COL2A1: variants seen among roughly 807,000 people sequenced by gnomAD.
COL2A1 encodes collagen alpha-1(II) chain.
A neutral mutation model predicts 204.5 loss-of-function variants in COL2A1; 28 were observed. That is an observed-to-expected ratio of 0.14 (90% confidence interval 0.10 to 0.19). COL2A1 has a LOEUF of 0.19. Among genes scored for constraint, COL2A1 ranks in the 10% least tolerant of loss-of-function variants. The pLI, the probability that COL2A1 is intolerant of heterozygous loss-of-function variation, is 1.00. For missense variants in COL2A1, 1,388 were observed against 2,027.5 expected (o/e 0.68, Z 6.06); for synonymous variants, 708 against 718.7 (o/e 0.99, Z 0.24).
chr12:47,992,956 A>G, intron 15 of COL2A1, 25 bp from the exon 16 acceptor site: 1 of 1,613,662 alleles, frequency 6.2e-7, no homozygotes, highest in Non-Finnish European at 8.5e-7. Context: ...AGGACAGCCT[A>G]AGCATGAGTT....
chr12:47,979,468 T>C lies in COL2A1; in HGVS notation c.2733+43A>G, dbSNP rs577712368. 60 of 1,603,648 alleles carry C rather than the reference T, an allele frequency of 3.7e-5. 1 individual carries two copies. The South Asian group carries it at 5.0e-4, about 13-fold the overall frequency. ...CCCTGTTGGGTGCTGGGCCAGGCTA[T>C]TCCATGCCTGCCTGTGCCTCTCATG... On this transcript the variant is annotated intron_variant, in intron 41 of 53. Coordinates refer to ENST00000380518, the MANE Select transcript of COL2A1 (RefSeq NM_001844.5).
intron 16 of COL2A1, among the ~76,000 whole-genome samples, chr12:47,992,675 A>G (rs560289515): frequency 6.6e-6 from 1 of 152,252 alleles, no homozygotes; most frequent in Admixed American, 6.5e-5. Context: ...GCTTTCACCC[A>G]TCGACCCTCC....
In COL2A1 at chr12:47,974,675, A is replaced by T; in HGVS notation, c.4074T>A (p.His1358Gln). Residue 1358 changes from histidine (H) to glutamine (Q), a missense_variant and splice_region_variant, in exon 52 of 54, where the codon CAT becomes CAA. Transcript: ENST00000380518. The stretch of plus-strand genomic sequence containing the variant: ...TCATCTAGGGCACCCAGGTACTCAC[A>T]TGGAAGCCACCATTGATGGTTTCTC... ...WFGETINGGFHFSYGDDNLAP... is the reference protein window; with the variant it reads ...WFGETINGGFQFSYGDDNLAP... The T allele has an allele frequency of 6.2e-7, 1 of 1,614,142 alleles. No homozygotes were observed. The highest frequency in any genetic ancestry group is 8.5e-7 in the Non-Finnish European group (1 of 1,179,982).
intron 52 of COL2A1, 50 bp downstream of exon 52, chr12:47,974,625 G>C (rs777023772): frequency 1.1e-4 from 153 of 1,377,852 alleles, no homozygotes; most frequent in Non-Finnish European, 6.2e-5. Flanking sequence ...AGAAAAGAAA[G>C]AGTTTGAGGA....
At position 47,989,178 on chromosome 12, in the gene COL2A1, G is replaced by C. The variant is rs749215565; in HGVS notation, c.1122+50C>G. On this transcript the variant is annotated intron_variant, in intron 18 of 53. Transcript: ENST00000380518. ...CAATGAGCAAGGGTTACGGGGAAAG[G>C]ACAGCTTCTCGGCACCCAGAAGTTC... The C allele has an allele frequency of 7.3e-6, 11 of 1,509,226 alleles. No individual in the cohort carries two copies. In the East Asian group the frequency reaches 1.6e-4, roughly 22 times the overall value. 93.5% of individuals were successfully genotyped at this position (1,509,226 alleles called of 1,614,324 possible). A position where few individuals can be genotyped will look rare whatever the true frequency, so the allele number is the denominator to read the frequency against.
At chr12:47,984,663 G>A in intron 27 of COL2A1, 64 bp from the exon 28 acceptor site, 1 of 1,497,120 alleles carries the variant, frequency 6.7e-7, no homozygotes, top group Non-Finnish European at 9.3e-7. Flanking sequence ...GGGCAGAGCG[G>A]GCTGCAGGGA....
At chr12:47,974,594 G>T in intron 52 of COL2A1, 81 bp downstream of exon 52, 3 of 1,504,012 alleles carry the variant, frequency 2.0e-6, no homozygotes, top group Non-Finnish European at 2.8e-6. Flanking sequence ...TGGGGAAGGT[G>T]CTAAAAGCTT....
At chr12:48,002,944 G>C (rs1940303617) in intron 1 of COL2A1, 1 of 152,260 alleles carries the variant, frequency 6.6e-6, no homozygotes, top group Non-Finnish European at 1.5e-5. Flanking sequence ...GCTATCCCTG[G>C]AAACAGCCTG....
Position 47,998,191 on chromosome 12 carries a change from C to T in COL2A1, c.320G>A (p.Gly107Glu). 6.2e-7 allele frequency: 1 copy of T among 1,614,142 alleles called. No homozygotes were observed. Among genetic ancestry groups the T allele is most frequent in the Non-Finnish European group, 8.5e-7 (1 of 1,180,034 alleles). The change falls in exon 4 of 54, where the codon GGA becomes GAA. Residue 107 changes from glycine to glutamate, a missense_variant. Gly to Glu is a moderately conservative substitution (Grantham distance 98). Coordinates refer to ENST00000380518, the MANE Select transcript of COL2A1 (RefSeq NM_001844.5). ...TACATCCTTGATGTCTCCAGGTTCT[C>T]CTTTCTGTCCCTGAAACATGAAACA... ...SGQPGPKGQKGEPGDIKDIVG... is the reference protein window; with the variant it reads ...SGQPGPKGQKEEPGDIKDIVG...
chr12:47,973,999 T>C, intron 53 of COL2A1, 90 bp downstream of exon 53: 1 of 1,585,800 alleles, frequency 6.3e-7, no homozygotes. Flanking sequence ...CCTGTCACTT[T>C]AGGACCTGAC....
chr12:47,985,449 C>T (rs968709323), intron 26 of COL2A1, 85 bp downstream of exon 26: 25 of 1,445,448 alleles, frequency 1.7e-5, no homozygotes, highest in Non-Finnish European at 2.1e-5. Context: ...TCAGGCCTCC[C>T]TAACCCAAAC....
In COL2A1 at chr12:47,999,420, C is replaced by T. The variant is rs1347086084; in HGVS notation, c.292+499G>A. Among the ~76,000 whole-genome samples, 2 of 152,186 alleles carry T rather than the reference C, an allele frequency of 1.3e-5. 1 individual carries two copies. Among genetic ancestry groups the T allele is most frequent in the Admixed American group, 1.3e-4 (2 of 15,274 alleles). On this transcript the variant is annotated intron_variant, in intron 2 of 53. Transcript: ENST00000380518. ...GTAATAGCAGAGAGGAAACTACCAC[C>T]AATGTTCCATAACTCAAAGAGGGAG...
chr12:47,985,539 G>C lies in COL2A1; in HGVS notation c.1729C>G (p.Pro577Ala). Residue 577 changes from proline to alanine, a missense_variant, in exon 26 of 54, where the codon CCT (proline) becomes GCT (alanine). Pro to Ala is a conservative substitution (Grantham distance 27). Coordinates refer to ENST00000380518, the MANE Select transcript of COL2A1 (RefSeq NM_001844.5). ...GDAGPQGKVG[P>A]SGAPGEDGRP... ...CCCTCAGAGGATAGACTTACAGAAG[G>C]GCCAACTTTGCCTTGAGGACCAGCA... 1 of 1,614,004 alleles carries C rather than the reference G, an allele frequency of 6.2e-7. No homozygotes were observed. Among genetic ancestry groups the C allele is most frequent in the Non-Finnish European group, 8.5e-7 (1 of 1,179,998 alleles).
At chr12:47,986,747 A>G in intron 22 of COL2A1, 88 bp downstream of exon 22, 1 of 1,447,780 alleles carries the variant, frequency 6.9e-7, no homozygotes, top group South Asian at 1.1e-5. Context: ...AGAGCCCTGG[A>G]GGAGGGAGGT....
chr12:47,977,740 C>A (rs1938803758), intron 44 of COL2A1, 87 bp from the exon 45 acceptor site: 2 of 1,416,448 alleles, frequency 1.4e-6, no homozygotes, highest in Non-Finnish European at 2.0e-6. Context: ...GAAGCCCAGG[C>A]CTCTCCTCTT....
chr12:47,983,340 C>A, intron 31 of COL2A1, 45 bp downstream of exon 31: 1 of 1,604,336 alleles, frequency 6.2e-7, no homozygotes, highest in Non-Finnish European at 8.5e-7. Context: ...CAGAAAAGAC[C>A]TTCCCATCTA....
chr12:47,976,143 G>C lies in COL2A1; in HGVS notation c.3490-73C>G. ...GCTGGGGAGTCGCTGGGGCTGGGTA[G>C]GTGGCTGTCCTGATAGCACCAGCCA... On this transcript the variant is annotated intron_variant, in intron 49 of 53. Coordinates refer to ENST00000380518, the MANE Select transcript of COL2A1 (RefSeq NM_001844.5). The surrounding 1 kb of genome is among the most constrained non-coding windows in gnomAD (Gnocchi z 4.3). The C allele has an allele frequency of 9.2e-7, 1 of 1,084,536 alleles. No individual in the cohort carries two copies. Among genetic ancestry groups the C allele is most frequent in the Non-Finnish European group, 1.4e-6 (1 of 698,432 alleles). The allele number at this position is 1,084,536 out of a possible 1,614,324, so 67.2% of individuals were successfully genotyped here.
chr12:47,984,821 G>A (rs574256869), intron 27 of COL2A1, among the ~76,000 whole-genome samples, 174 bp downstream of exon 27: 1 of 152,298 alleles, frequency 6.6e-6, no homozygotes, highest in South Asian at 2.1e-4. Flanking sequence ...GGCTCTGTGG[G>A]GCCATGGATT....
Position 47,977,384 on chromosome 12 carries a change from G to C in COL2A1, c.3209C>G (p.Pro1070Arg). 6.2e-7 allele frequency: 1 copy of C among 1,613,492 alleles called. No homozygotes were observed. Among genetic ancestry groups the C allele is most frequent in the South Asian group, 1.1e-5 (1 of 91,080 alleles). The stretch of plus-strand genomic sequence containing the variant: ...GGGGCCAGGGGAGCCAGGGGGCCCA[G>C]GGGCTCCAGGAGCTCCCACAGCACC... ...ETGAVGAPGA[P>R]GPPGSPGPAG... Residue 1070 changes from proline (P) to arginine (R), a missense_variant, in exon 46 of 54, where the codon CCT becomes CGT. Pro to Arg is a moderately radical substitution (Grantham distance 103). This residue lies in a region of COL2A1 where 884 missense variants were observed against 1,415.8 expected (regional missense o/e 0.62). Coordinates refer to ENST00000380518, the MANE Select transcript of COL2A1 (RefSeq NM_001844.5).
Sources: allele counts gnomAD v4.1 joint callset (sites outside exome capture counted in the v4.1 genomes callset), GRCh38; gene constraint gnomAD v4.1.1; regional missense constraint gnomAD v4.1.1; non-coding constraint Gnocchi (gnomAD v3.1); transcripts MANE v1.5; gene names NCBI Gene and HGNC (gene_info 2026-07-23, HGNC 2026-07-21).